ALPK3: variants seen among roughly 807,000 people sequenced by gnomAD.
ALPK3 encodes the protein alpha-protein kinase 3.
A neutral mutation model predicts 140.0 loss-of-function variants in ALPK3; 102 were observed. The observed-to-expected ratio is 0.73, with a 90% CI of 0.62 to 0.86. ALPK3 has a LOEUF of 0.86. Ranked by LOEUF, ALPK3 falls within the 40% of genes least tolerant of loss-of-function variation. ALPK3 has a pLI of 0.00. For missense variants in ALPK3, 2,254 were observed against 2,208.2 expected (o/e 1.02, Z -0.42); for synonymous variants, 938 against 898.5 (o/e 1.04, Z -0.79).
chr15:84,845,131 C>CTT lies in ALPK3; in HGVS notation c.1653+4211_1653+4212dup, dbSNP rs770565758. 9.3e-3 allele frequency among the ~76,000 whole-genome samples: 1,376 copies of CTT among 147,172 alleles called. 25 individuals carry two copies. The highest frequency in any genetic ancestry group is 0.029 in the African/African-American group (1,167 of 40,288). On this transcript the variant is annotated intron_variant, in intron 5 of 13. Coordinates refer to ENST00000258888, the MANE Select transcript of ALPK3 (RefSeq NM_020778.5). ...AGTACCACTGAACCTACGGTGTTTACTTTTTTTTTTTTTCCCTTCTGGCAT... is the reference window on the plus strand; with the variant it reads ...AGTACCACTGAACCTACGGTGTTTACTTTTTTTTTTTTTTTCCCTTCTGGCAT...
chr15:84,857,697 G>A lies in ALPK3; in HGVS notation c.2959G>A (p.Ala987Thr), dbSNP rs1463321883. 1 of 1,610,986 alleles carries A rather than the reference G, an allele frequency of 6.2e-7. No homozygotes were observed. The highest frequency in any genetic ancestry group is 1.7e-5 in the Admixed American group (1 of 59,942). The change falls in exon 6 of 14, where the codon GCC becomes ACC. Residue 987 changes from alanine to threonine, a missense_variant. This residue lies in a region of ALPK3 where 2,088 missense variants were observed against 2,022.9 expected (regional missense o/e 1.03). Transcript: ENST00000258888. ...AGGGGGAGAGTCCCAGGTGGGGGCAGCCACCGGAGGTCTGGTGCCCTCAGC... is the reference window on the plus strand; with the variant it reads ...AGGGGGAGAGTCCCAGGTGGGGGCAACCACCGGAGGTCTGGTGCCCTCAGC... ...GAGGESQVGA[A>T]TGGLVPSATL...
intron 4 of ALPK3, among the ~76,000 whole-genome samples, chr15:84,839,375 C>T (rs2141555899): frequency 1.3e-5 from 2 of 152,240 alleles, no homozygotes; most frequent in South Asian, 4.1e-4. Flanking sequence ...ATGAGGTCAG[C>T]GGCCAAAAAA....
Position 84,840,293 on chromosome 15 carries a change from C to G in ALPK3, c.1014C>G (p.Ser338Arg), listed in dbSNP as rs750533329. 1 of 1,613,954 alleles carries G rather than the reference C, an allele frequency of 6.2e-7. No individual in the cohort carries two copies. Among genetic ancestry groups the G allele is most frequent in the Middle Eastern group, 1.6e-4 (1 of 6,062 alleles). The change falls in exon 5 of 14, where the codon AGC (serine) becomes AGG (arginine). Residue 338 changes from serine to arginine, a missense_variant. Around this residue, in one of 3 missense-constraint regions of ALPK3, gnomAD observed 2,088 missense variants for 2,022.9 expected, o/e 1.03. Transcript: ENST00000258888. ...CAGAGTTAGAGAAGGCAGCCCAAAG[C>G]CGCCGTTCTTCAGAAAACTGCATCC... Reference protein sequence around the residue: ...RKPELEKAAQSRRSSENCIPS... With the variant: ...RKPELEKAAQRRRSSENCIPS...
intron 5 of ALPK3, among the ~76,000 whole-genome samples, chr15:84,845,021 T>G (rs978759542): frequency 6.6e-6 from 1 of 152,198 alleles, no homozygotes; most frequent in South Asian, 2.1e-4. Context: ...AGCCTAAAAT[T>G]TAGGCAAAAT....
chr15:84,850,576 C>A (rs929309554), intron 5 of ALPK3, among the ~76,000 whole-genome samples: 2 of 151,426 alleles, frequency 1.3e-5, no homozygotes, highest in African/African-American at 4.9e-5. Flanking sequence ...TTTGTAGAGA[C>A]AGGGTCTTGC....
chr15:84,819,794 C>G lies in ALPK3; in HGVS notation c.143+2199C>G, dbSNP rs1963402823. ...ACCTTCACAAAGATGTGTCATGGAG[C>G]TCTCCAGGCATCATTCTCATGGACC... On this transcript the variant is annotated intron_variant, in intron 1 of 13. Transcript: ENST00000258888. 2.6e-5 allele frequency among the ~76,000 whole-genome samples: 4 copies of G among 152,212 alleles called. No individual in the cohort carries two copies. The South Asian group carries it at 8.3e-4, about 32-fold the overall frequency.
chr15:84,839,155 G>A, intron 4 of ALPK3, 58 bp downstream of exon 4: 1 of 1,427,464 alleles, frequency 7.0e-7, no homozygotes, highest in Non-Finnish European at 9.7e-7. Context: ...TCTGGCTGGG[G>A]TCCTGCCCTC....
rs771085441 is a variant in ALPK3 at position 84,872,051 on chromosome 15, G to C, written c.*3595G>C. On this transcript the variant is annotated 3_prime_UTR_variant, in exon 14 of 14. Transcript: ENST00000258888. ...GACAGTGAGTGAGCTACCCACACAC[G>C]ACCCACTGGTGCCTTCAGAGCCTTA... The C allele has an allele frequency of 6.6e-6, 1 of 152,296 alleles. No homozygotes were observed. Among genetic ancestry groups the C allele is most frequent in the Non-Finnish European group, 1.5e-5 (1 of 68,086 alleles). 9.4% of individuals were successfully genotyped at this position (152,296 alleles called of 1,614,324 possible). A position where few individuals can be genotyped will look rare whatever the true frequency, so the allele number is the denominator to read the frequency against.
At chr15:84,827,165 A>G (rs1963496623) in intron 2 of ALPK3, among the ~76,000 whole-genome samples, 1 of 152,186 alleles carries the variant, frequency 6.6e-6, no homozygotes, top group Non-Finnish European at 1.5e-5. Flanking sequence ...TGAAAGGTGC[A>G]GGGTGAAGTA....
Position 84,839,754 on chromosome 15 carries a change from G to A in ALPK3, c.475G>A (p.Gly159Ser). 1 of 1,614,116 alleles carries A rather than the reference G, an allele frequency of 6.2e-7. No homozygotes were observed. The stretch of plus-strand genomic sequence containing the variant: ...CCAGGCCTCTGCCCAGAACAGCAAG[G>A]GCATTGTGTCCTGCTCAGGGGTCCT... Reference protein sequence around the residue: ...IYQASAQNSKGIVSCSGVLEV... With the variant: ...IYQASAQNSKSIVSCSGVLEV... Residue 159 changes from glycine (G) to serine (S), a missense_variant, in exon 5 of 14, where the codon GGC (glycine) becomes AGC (serine). Around this residue, in one of 3 missense-constraint regions of ALPK3, gnomAD observed 2,088 missense variants for 2,022.9 expected, o/e 1.03. Transcript: ENST00000258888.
At chr15:84,859,532 T>C (rs1963915575) in intron 7 of ALPK3, 142 bp downstream of exon 7, 2 of 1,324,866 alleles carry the variant, frequency 1.5e-6, no homozygotes, top group African/African-American at 3.0e-5. Context: ...ATAGTAGAGA[T>C]GAGAAAATGG....
chr15:84,827,161 G>A (rs1963496488), intron 2 of ALPK3, among the ~76,000 whole-genome samples: 1 of 152,200 alleles, frequency 6.6e-6, no homozygotes, highest in Non-Finnish European at 1.5e-5. Flanking sequence ...GAGATGAAAG[G>A]TGCAGGGTGA....
chr15:84,838,078 G>A (rs2141554972), intron 3 of ALPK3, among the ~76,000 whole-genome samples: 1 of 152,300 alleles, frequency 6.6e-6, no homozygotes, highest in South Asian at 2.1e-4. Context: ...GAAGGGGCTG[G>A]GCAGACACCT....
intron 1 of ALPK3, among the ~76,000 whole-genome samples, chr15:84,819,085 G>A (rs2084117288): frequency 6.6e-6 from 1 of 152,160 alleles, no homozygotes; most frequent in Non-Finnish European, 1.5e-5. Flanking sequence ...GCAGAATGGG[G>A]AGGGCAGGGG....
In ALPK3 at chr15:84,840,217, G is replaced by A. The variant is rs148547083; in HGVS notation, c.938G>A (p.Gly313Glu). ...GPQRALKEES[G>E]AKKKKKDEES... is the part of the protein sequence containing the mutation. ...CAGAGAGCCCTCAAAGAGGAGAGTG[G>A]GGCCAAGAAGAAAAAGAAAGATGAG... The change falls in exon 5 of 14, where the codon GGG (glycine) becomes GAG (glutamate). Residue 313 changes from glycine to glutamate, a missense_variant. Physicochemically the swap from Gly to Glu is moderately conservative, Grantham distance 98. Around this residue, in one of 3 missense-constraint regions of ALPK3, gnomAD observed 2,088 missense variants for 2,022.9 expected, o/e 1.03. Coordinates refer to ENST00000258888, the MANE Select transcript of ALPK3 (RefSeq NM_020778.5). 4.6e-4 allele frequency: 749 copies of A among 1,613,658 alleles called. No homozygotes were observed. Among genetic ancestry groups the A allele is most frequent in the Non-Finnish European group, 5.9e-4 (700 of 1,180,000 alleles).
intron 1 of ALPK3, among the ~76,000 whole-genome samples, chr15:84,819,536 G>A (rs1567085398): frequency 6.6e-6 from 1 of 152,226 alleles, no homozygotes; most frequent in Admixed American, 6.5e-5. Context: ...TGCTTCTCTA[G>A]TAAGGCCTGA....
chr15:84,856,150 G>T (rs1185019779), intron 5 of ALPK3, among the ~76,000 whole-genome samples: 3 of 152,168 alleles, frequency 2.0e-5, no homozygotes, highest in Non-Finnish European at 4.4e-5. Flanking sequence ...GCTGGGTCTG[G>T]GTGCTAGATA....
chr15:84,860,155 G>A, intron 9 of ALPK3, 83 bp downstream of exon 9: 1 of 1,518,288 alleles, frequency 6.6e-7, no homozygotes, highest in East Asian at 2.3e-5. Context: ...TTGGAATCTG[G>A]TCCCAATCCA....
At chr15:84,861,665 A>AT (rs1418691980) in intron 9 of ALPK3, among the ~76,000 whole-genome samples, 4 of 152,056 alleles carry the variant, frequency 2.6e-5, no homozygotes, top group Non-Finnish European at 4.4e-5. Flanking sequence ...TCATTAGCTG[A>AT]TTTTTTTCTG....
Sources: gnomAD v4.1 joint callset for allele counts (sites outside exome capture counted in the v4.1 genomes callset) on GRCh38, gnomAD v4.1.1 for gene constraint, gnomAD v4.1.1 regional missense constraint, MANE v1.5 for transcripts, NCBI Gene and HGNC (gene_info 2026-07-23, HGNC 2026-07-21) for gene names.